ZMAT4: variants seen among roughly 807,000 people sequenced by gnomAD.
ZMAT4 encodes zinc finger matrin-type protein 4.
Under a neutral mutation model 28.7 loss-of-function variants are expected in ZMAT4, and 17 were observed. That is an observed-to-expected ratio of 0.59 (90% CI 0.41 to 0.89). The LOEUF is 0.89. Ranked by LOEUF, ZMAT4 falls within the 40% of genes least tolerant of loss-of-function variation. The pLI, the probability that ZMAT4 is intolerant of heterozygous loss-of-function variation, is 0.00. For missense variants in ZMAT4, 240 were observed against 283.8 expected (o/e 0.85, Z 1.11); for synonymous variants, 117 against 109.2 (o/e 1.07, Z -0.44).
intron 3 of ZMAT4, among the ~76,000 whole-genome samples, chr8:40,746,387 A>C (rs1585983696): frequency 1.4e-5 from 1 of 71,362 alleles, no homozygotes; most frequent in Non-Finnish European, 2.8e-5. Flanking sequence ...TTTTTTTTTG[A>C]CAGTCTCGCT....
intron 1 of ZMAT4, among the ~76,000 whole-genome samples, chr8:40,845,312 C>T (rs1039485117): frequency 6.6e-6 from 1 of 152,100 alleles, no homozygotes; most frequent in Admixed American, 6.5e-5. Flanking sequence ...TTTCAAAAGC[C>T]TTGCTTCTCT....
At chr8:40,655,051 G>C (rs1807853725) in intron 5 of ZMAT4, among the ~76,000 whole-genome samples, 1 of 47,128 alleles carries the variant, frequency 2.1e-5, no homozygotes. Context: ...AAAATCCTAA[G>C]GAATACCTAC....
At position 40,699,416 on chromosome 8, in the gene ZMAT4, A is replaced by T. The variant is rs1585898759; in HGVS notation, c.193-2015T>A. Among the ~76,000 whole-genome samples the T allele has an allele frequency of 3.3e-5, 5 of 152,192 alleles. No homozygotes were observed. In the South Asian group the frequency reaches 1.0e-3, roughly 32 times the overall value. On this transcript the variant is annotated intron_variant, in intron 3 of 6. Transcript: ENST00000297737. ...CTATTAGCGTAACAAAGAACTAAAA[A>T]TAGAACTATCATGTGATCCAGAAAT...
At chr8:40,648,933 A>G (rs1018241232) in intron 5 of ZMAT4, among the ~76,000 whole-genome samples, 5 of 145,030 alleles carry the variant, frequency 3.4e-5, no homozygotes, top group East Asian at 2.0e-4. Flanking sequence ...AGCGCTAAAT[A>G]TGGAAAGGAA....
intron 4 of ZMAT4, among the ~76,000 whole-genome samples, chr8:40,684,432 C>A (rs988941437): frequency 1.3e-5 from 2 of 152,168 alleles, no homozygotes; most frequent in Non-Finnish European, 1.5e-5. Context: ...CTGCAGGTGC[C>A]GCTCTTGGAG....
intron 1 of ZMAT4, among the ~76,000 whole-genome samples, chr8:40,879,238 G>A (rs1214615336): frequency 2.6e-5 from 4 of 151,336 alleles, no homozygotes; most frequent in African/African-American, 7.3e-5. Context: ...CCTGAGCAAC[G>A]TGGCCAGACC....
At chr8:40,872,142 T>G (rs1429962924) in intron 1 of ZMAT4, among the ~76,000 whole-genome samples, 4 of 152,138 alleles carry the variant, frequency 2.6e-5, no homozygotes, top group Non-Finnish European at 5.9e-5. Context: ...GAGGAGCTGC[T>G]CAAGCAGCTT....
chr8:40,610,539 C>T (rs569266509), intron 5 of ZMAT4, among the ~76,000 whole-genome samples: 3 of 152,106 alleles, frequency 2.0e-5, no homozygotes, highest in African/African-American at 4.8e-5. Context: ...GTCTGGGAAG[C>T]GTGATTGTCA....
At chr8:40,665,162 C>A (rs928166876) in intron 5 of ZMAT4, among the ~76,000 whole-genome samples, 7 of 151,946 alleles carry the variant, frequency 4.6e-5, no homozygotes, top group Admixed American at 2.6e-4. Flanking sequence ...GCTGAGATTG[C>A]GCCACTGCAC....
intron 4 of ZMAT4, among the ~76,000 whole-genome samples, chr8:40,686,841 T>C (rs1021605298): frequency 3.3e-5 from 5 of 151,984 alleles, no homozygotes; most frequent in Non-Finnish European, 7.4e-5. Flanking sequence ...ATTAAAAGTG[T>C]CTGTTTGACA....
chr8:40,603,748 C>T (rs113514766), intron 5 of ZMAT4, among the ~76,000 whole-genome samples: 11,019 of 152,142 alleles, frequency 0.072, 864 homozygotes, highest in East Asian at 0.45. Flanking sequence ...CCTGCCTCAG[C>T]CTCCCAAGTA....
rs1281717654 is a variant in ZMAT4, at chr8:40,533,629, C to A, written c.675-1391G>T. Among the ~76,000 whole-genome samples, 3 of 152,234 alleles carry A rather than the reference C, an allele frequency of 2.0e-5. No homozygotes were observed. In the East Asian group the frequency reaches 5.8e-4, roughly 29 times the overall value. ...TTTCATTTTCCAAAAACAGTGCTGTCATAGAATATTCTTAGGATCTGAATA... is the reference window on the plus strand; with the variant it reads ...TTTCATTTTCCAAAAACAGTGCTGTAATAGAATATTCTTAGGATCTGAATA... On this transcript the variant is annotated intron_variant, in intron 6 of 6. Coordinates refer to ENST00000297737, the MANE Select transcript of ZMAT4 (RefSeq NM_024645.3).
At chr8:40,869,611 A>C (rs1462189097) in intron 1 of ZMAT4, among the ~76,000 whole-genome samples, 3 of 152,208 alleles carry the variant, frequency 2.0e-5, no homozygotes, top group Non-Finnish European at 2.9e-5. Flanking sequence ...TAGGGCAGGG[A>C]TTTTACCACG....
chr8:40,691,333 G>A (rs1471889292), intron 4 of ZMAT4, among the ~76,000 whole-genome samples: 1 of 151,794 alleles, frequency 6.6e-6, no homozygotes, highest in Non-Finnish European at 1.5e-5. Flanking sequence ...TGCTCTTGGG[G>A]GCCATTTTAA....
intron 6 of ZMAT4, among the ~76,000 whole-genome samples, chr8:40,568,986 A>G (rs1207732236): frequency 1.3e-5 from 2 of 152,182 alleles, no homozygotes; most frequent in Non-Finnish European, 2.9e-5. Flanking sequence ...AAAAGGTACA[A>G]TCATCTCTAT....
chr8:40,695,768 A>ATTTTTTTTTT (rs756360990), intron 4 of ZMAT4, among the ~76,000 whole-genome samples: 4 of 58,468 alleles, frequency 6.8e-5, no homozygotes, highest in African/African-American at 1.4e-4. Context: ...CCATGTGGCA[A>ATTTTTTTTTT]TTTTTTTTTT....
chr8:40,832,069 C>A (rs1452169574), intron 1 of ZMAT4, among the ~76,000 whole-genome samples: 2 of 152,196 alleles, frequency 1.3e-5, no homozygotes, highest in Non-Finnish European at 2.9e-5. Context: ...CCAGGGCTGA[C>A]CCCTGTGCCC....
intron 1 of ZMAT4, among the ~76,000 whole-genome samples, chr8:40,831,696 T>C (rs1460493019): frequency 6.6e-6 from 1 of 152,204 alleles, no homozygotes; most frequent in African/African-American, 2.4e-5. Context: ...TTAAGACTCA[T>C]GGACACTTCA....
rs961137671 is a variant in ZMAT4 at position 40,596,665 on chromosome 8, T to C, written c.578-15404A>G. On this transcript the variant is annotated intron_variant, in intron 5 of 6. Coordinates refer to ENST00000297737, the MANE Select transcript of ZMAT4 (RefSeq NM_024645.3). ...GTGATTCATTGTTGACAAAACCTTG[T>C]TATGTGGTGCATGACTGTATATGTC... Among the ~76,000 whole-genome samples, 10 of 152,338 alleles carry C rather than the reference T, an allele frequency of 6.6e-5. No homozygotes were observed. In the East Asian group the frequency reaches 1.9e-3, roughly 29 times the overall value.
Sources: gnomAD v4.1 joint callset for allele counts (sites outside exome capture counted in the v4.1 genomes callset) on GRCh38, gnomAD v4.1.1 for gene constraint, MANE v1.5 for transcripts, NCBI Gene and HGNC (gene_info 2026-07-23, HGNC 2026-07-21) for gene names.